The following RIN3 variants were observed in gnomAD, a reference collection of about 807,000 sequenced individuals.
RIN3 encodes RAB5 interacting protein 3.
In RIN3, 54 loss-of-function variants were observed where a neutral mutation model predicts 76.3. The observed-to-expected ratio is 0.71, with a 90% CI of 0.57 to 0.89. The LOEUF (loss-of-function observed/expected upper bound fraction) is 0.89, where lower values mean the gene tolerates loss of function less well. Ranked by LOEUF, RIN3 falls within the 40% of genes least tolerant of loss-of-function variation. RIN3 has a pLI of 0.00. For missense variants in RIN3, 1,256 were observed against 1,322.1 expected, an observed-to-expected ratio of 0.95 and a Z score of 0.78; for synonymous variants, 576 against 564.0, an observed-to-expected ratio of 1.02 and a Z score of -0.30.
At chr14:92,580,725 C>G (rs1477557472) in intron 3 of RIN3, among the ~76,000 whole-genome samples, 1 of 152,232 alleles carries the variant, frequency 6.6e-6, no homozygotes, top group Non-Finnish European at 1.5e-5. Flanking sequence ...GGACTGACTC[C>G]AAGCCAGTAG....
chr14:92,637,464 C>T (rs1051457442), intron 4 of RIN3, among the ~76,000 whole-genome samples: 6 of 152,194 alleles, frequency 3.9e-5, no homozygotes, highest in Non-Finnish European at 7.3e-5. Context: ...TGCTCACCTC[C>T]TGCTGTGCAG....
intron 5 of RIN3, chr14:92,644,403 T>C (rs1012298242): frequency 2.0e-5 from 3 of 149,044 alleles, no homozygotes; most frequent in African/African-American, 7.4e-5. Flanking sequence ...CCTAGGAACA[T>C]GCTTTTTTTT....
rs535272965 is a variant in RIN3 at position 92,688,186 on chromosome 14, C to CGGT, written c.2898_2900dup (p.Gly972dup). On this transcript the variant is annotated inframe_insertion, in exon 10 of 10. Coordinates refer to ENST00000216487, the MANE Select transcript of RIN3 (RefSeq NM_024832.5). ...TCCACTTTGTCTACCGGCCCCTGGA[C>CGGT]GGTGGTGGCGGCGGCGGCGGCGGGA... The CGGT allele has an allele frequency of 2.6e-6, 4 of 1,541,396 alleles. No individual in the cohort carries two copies. The highest frequency in any genetic ancestry group is 1.8e-5 in the Admixed American group (1 of 54,404).
chr14:92,515,689 G>A (rs1896422806), intron 1 of RIN3, among the ~76,000 whole-genome samples: 1 of 152,174 alleles, frequency 6.6e-6, no homozygotes, highest in African/African-American at 2.4e-5. Flanking sequence ...GTAAACTGGG[G>A]GTGCTAGCAA....
At chr14:92,572,255 T>C (rs1420810191) in intron 2 of RIN3, among the ~76,000 whole-genome samples, 2 of 152,216 alleles carry the variant, frequency 1.3e-5, no homozygotes, top group South Asian at 2.1e-4. Flanking sequence ...AGGGGCCGCA[T>C]GCGCAGTGTG....
At chr14:92,554,678 C>T (rs984397999) in intron 1 of RIN3, among the ~76,000 whole-genome samples, 3 of 152,306 alleles carry the variant, frequency 2.0e-5, no homozygotes, top group East Asian at 1.9e-4. Context: ...CCCAGTACTT[C>T]GGGAGGCCGA....
At position 92,553,765 on chromosome 14, in the gene RIN3, C is replaced by T. The variant is rs1897501511; in HGVS notation, c.45-1986C>T. On this transcript the variant is annotated intron_variant, in intron 1 of 9. Coordinates refer to ENST00000216487, the MANE Select transcript of RIN3 (RefSeq NM_024832.5). ...AGACTTCACACTGACCTTGACACAC[C>T]CCTCCTCATGACAGGCAGTCCCAGT... Among the ~76,000 whole-genome samples, 2 of 152,028 alleles carry T rather than the reference C, an allele frequency of 1.3e-5. 1 individual carries two copies. Among genetic ancestry groups the T allele is most frequent in the East Asian group, 3.8e-4 (2 of 5,200 alleles).
intron 1 of RIN3, among the ~76,000 whole-genome samples, chr14:92,519,133 A>G (rs1896524277): frequency 6.6e-6 from 1 of 152,128 alleles, no homozygotes; most frequent in African/African-American, 2.4e-5. Flanking sequence ...AATAGCATTC[A>G]GGGGATCAAA....
At chr14:92,566,564 C>T (rs1897920982) in intron 2 of RIN3, among the ~76,000 whole-genome samples, 1 of 152,142 alleles carries the variant, frequency 6.6e-6, no homozygotes, top group Non-Finnish European at 1.5e-5. Context: ...GGGCACATTG[C>T]CGCCAGAGCC....
chr14:92,581,194 C>T (rs1023323822), intron 3 of RIN3, among the ~76,000 whole-genome samples: 4 of 152,104 alleles, frequency 2.6e-5, no homozygotes, highest in African/African-American at 4.8e-5. Flanking sequence ...GCCTTCTTAG[C>T]GGGTGCTCCT....
chr14:92,673,420 C>T (rs1243338291), intron 7 of RIN3, among the ~76,000 whole-genome samples: 2 of 151,734 alleles, frequency 1.3e-5, no homozygotes, highest in Non-Finnish European at 2.9e-5. Context: ...ACTTTGGGCT[C>T]ATGTGACAAG....
chr14:92,655,400 A>G (rs1456075833), intron 6 of RIN3, among the ~76,000 whole-genome samples: 2 of 152,126 alleles, frequency 1.3e-5, no homozygotes, highest in Non-Finnish European at 2.9e-5. Flanking sequence ...GAGAGAGAGT[A>G]AAGTATAGTG....
rs138058517 is a variant in RIN3 at position 92,516,567 on chromosome 14, C to G, written c.44+2591C>G. On this transcript the variant is annotated intron_variant, in intron 1 of 9. Coordinates refer to ENST00000216487, the MANE Select transcript of RIN3 (RefSeq NM_024832.5). ...CCCTTTCCAGATCCTAACAGAGGCT[C>G]TGATGCACAGGAGCAAAGGGTCACC... 1.2e-4 allele frequency among the ~76,000 whole-genome samples: 18 copies of G among 152,268 alleles called. No individual in the cohort carries two copies. In the East Asian group the frequency reaches 2.1e-3, roughly 18 times the overall value.
Position 92,685,072 on chromosome 14 carries a change from G to A in RIN3, c.2553G>A (p.Val851=), listed in dbSNP as rs1888801165. Residue 851 remains valine (V), a synonymous_variant, in exon 9 of 10, where the codon GTG becomes GTA. Transcript: ENST00000216487. This position sits in a 1 kb window ranked among gnomAD's most constrained non-coding sequence, Gnocchi z 4.7. The part of the protein sequence containing the change: ...DKITVTRQLS[V]EVQDSIHRWE... ...TCACGGTGACCCGGCAGCTGAGTGT[G>A]GAGGTGCAGGACTCCATCCACCGCT... is the stretch of plus-strand genomic sequence containing the variant. The A allele has an allele frequency of 1.1e-5, 17 of 1,613,840 alleles. No individual in the cohort carries two copies. The East Asian group carries it at 3.8e-4, about 36-fold the overall frequency.
chr14:92,549,134 A>C (rs10131290), intron 1 of RIN3, among the ~76,000 whole-genome samples: 43,289 of 152,036 alleles, frequency 0.28, 6,695 homozygotes, highest in Middle Eastern at 0.4. Flanking sequence ...AAAGCCCTCT[A>C]AGGCCAGGGA....
chr14:92,562,735 G>C (rs970853901), intron 2 of RIN3, among the ~76,000 whole-genome samples: 1 of 152,132 alleles, frequency 6.6e-6, no homozygotes, highest in African/African-American at 2.4e-5. Flanking sequence ...GATACTCCAT[G>C]CTCATCTTAT....
At chr14:92,686,130 C>T (rs1035770045) in intron 9 of RIN3, 4 of 152,344 alleles carry the variant, frequency 2.6e-5, no homozygotes, top group African/African-American at 4.8e-5. Flanking sequence ...ACTCCTCTGA[C>T]ACCCAGAGCA....
chr14:92,638,470 GC>G (rs541419972), intron 4 of RIN3, among the ~76,000 whole-genome samples: 13 of 152,202 alleles, frequency 8.5e-5, no homozygotes, highest in Admixed American at 3.9e-4. Context: ...TGCAACTGCA[GC>G]AGACTGAGTA....
chr14:92,545,533 G>A (rs975177390), intron 1 of RIN3, among the ~76,000 whole-genome samples: 4 of 123,942 alleles, frequency 3.2e-5, no homozygotes, highest in Non-Finnish European at 5.3e-5. Context: ...ACATTTGCTC[G>A]TTTGCACTCT....
Sources: gnomAD v4.1 joint callset for allele counts (sites outside exome capture counted in the v4.1 genomes callset) on GRCh38, gnomAD v4.1.1 for gene constraint, Gnocchi (gnomAD v3.1) non-coding constraint, MANE v1.5 for transcripts, NCBI Gene and HGNC (gene_info 2026-07-23, HGNC 2026-07-21) for gene names.